Variants in SPOCK1 observed in about 807,000 individuals in gnomAD.
SPOCK1 encodes SPARC (osteonectin), cwcv and kazal like domains proteoglycan 1.
Under a neutral mutation model 55.3 loss-of-function variants are expected in SPOCK1, and 23 were observed. That is an observed-to-expected ratio of 0.42 (90% CI 0.30 to 0.59). SPOCK1 has a LOEUF of 0.59. SPOCK1 is among the 20% of genes least tolerant of loss of function. The pLI is 0.22. For synonymous variants in SPOCK1, 226 were observed against 221.0 expected, an observed-to-expected ratio of 1.02 and a Z score of -0.20; for missense variants, 499 against 552.5, an observed-to-expected ratio of 0.90 and a Z score of 0.97.
chr5:137,177,904 C>T (rs1258535958), intron 3 of SPOCK1, among the ~76,000 whole-genome samples: 7 of 151,952 alleles, frequency 4.6e-5, no homozygotes, highest in Non-Finnish European at 1.0e-4. Context: ...AAGTCCATGC[C>T]CTCCTGTCCT....
At chr5:137,274,633 T>A (rs1277835969) in intron 2 of SPOCK1, among the ~76,000 whole-genome samples, 1 of 152,272 alleles carries the variant, frequency 6.6e-6, no homozygotes, top group Non-Finnish European at 1.5e-5. Flanking sequence ...TTTGTGGATA[T>A]GTTTTAAATT....
intron 2 of SPOCK1, among the ~76,000 whole-genome samples, chr5:137,391,842 G>T (rs1395135796): frequency 6.6e-6 from 1 of 152,110 alleles, no homozygotes; most frequent in African/African-American, 2.4e-5. Flanking sequence ...CCCTAGCCCT[G>T]CTGCCCAAAA....
chr5:137,016,167 C>T (rs1176970910), intron 6 of SPOCK1, among the ~76,000 whole-genome samples: 3 of 152,194 alleles, frequency 2.0e-5, no homozygotes, highest in South Asian at 4.1e-4. Flanking sequence ...AACAAACCCC[C>T]GCACGTTCCT....
intron 3 of SPOCK1, among the ~76,000 whole-genome samples, chr5:137,183,855 T>C (rs1755016625): frequency 6.6e-6 from 1 of 152,224 alleles, no homozygotes; most frequent in South Asian, 2.1e-4. Context: ...AAATTCCAGC[T>C]CCATTCTTTC....
intron 2 of SPOCK1, among the ~76,000 whole-genome samples, chr5:137,347,649 G>A (rs1750588696): frequency 6.6e-6 from 1 of 152,138 alleles, no homozygotes; most frequent in Non-Finnish European, 1.5e-5. Flanking sequence ...CCTAGGAGGT[G>A]AAGGTTGCAG....
intron 5 of SPOCK1, among the ~76,000 whole-genome samples, chr5:137,096,876 C>T (rs1299106742): frequency 1.3e-5 from 2 of 152,178 alleles, no homozygotes; most frequent in African/African-American, 2.4e-5. Context: ...GGACGCTTGG[C>T]TGTCTGGACT....
At chr5:137,246,237 T>C (rs1014925671) in intron 3 of SPOCK1, among the ~76,000 whole-genome samples, 2 of 152,228 alleles carry the variant, frequency 1.3e-5, no homozygotes, top group Non-Finnish European at 2.9e-5. Flanking sequence ...ACATTTTTAA[T>C]TACCTCTGAG....
At chr5:136,997,988 C>T (rs1057320112) in intron 6 of SPOCK1, among the ~76,000 whole-genome samples, 5 of 152,310 alleles carry the variant, frequency 3.3e-5, no homozygotes, top group African/African-American at 1.2e-4. Context: ...CTTTTGTAAA[C>T]TTCAATTTTT....
At chr5:137,017,151 C>T (rs12188192) in intron 6 of SPOCK1, among the ~76,000 whole-genome samples, 93,747 of 152,118 alleles carry the variant, frequency 0.62, 33,191 homozygotes, top group Non-Finnish European at 0.81. Flanking sequence ...TACCACAGAG[C>T]GAGGAATTAA....
At chr5:137,149,782 T>C (rs533593777) in intron 3 of SPOCK1, among the ~76,000 whole-genome samples, 2 of 152,308 alleles carry the variant, frequency 1.3e-5, no homozygotes, top group African/African-American at 4.8e-5. Context: ...AAATTTTTAG[T>C]GTACCTAGAA....
At chr5:137,362,811 G>A (rs1021239223) in intron 2 of SPOCK1, among the ~76,000 whole-genome samples, 1 of 152,294 alleles carries the variant, frequency 6.6e-6, no homozygotes, top group East Asian at 1.9e-4. Flanking sequence ...TGGCCTGAGG[G>A]CCACAGTTTG....
chr5:137,039,508 C>A (rs1486555838), intron 6 of SPOCK1, among the ~76,000 whole-genome samples: 1 of 152,126 alleles, frequency 6.6e-6, no homozygotes, highest in African/African-American at 2.4e-5. Context: ...GCAGAAGACT[C>A]AAGTTGGAAG....
At chr5:137,160,586 A>AT (rs1561631704) in intron 3 of SPOCK1, among the ~76,000 whole-genome samples, 1 of 41,658 alleles carries the variant, frequency 2.4e-5, no homozygotes, top group African/African-American at 9.2e-5. Flanking sequence ...TAATATATAT[A>AT]ATATATAATA....
chr5:137,359,029 A>G (rs1750883998), intron 2 of SPOCK1, among the ~76,000 whole-genome samples: 1 of 152,244 alleles, frequency 6.6e-6, no homozygotes. Flanking sequence ...TATCACAGCC[A>G]GTTAGCCTCA....
intron 3 of SPOCK1, among the ~76,000 whole-genome samples, chr5:137,204,419 T>C (rs1190239658): frequency 6.6e-6 from 1 of 152,174 alleles, no homozygotes; most frequent in Non-Finnish European, 1.5e-5. Flanking sequence ...AGGCAGCAGA[T>C]TGGAAAGAGG....
chr5:137,157,072 C>T (rs542266666), intron 3 of SPOCK1, among the ~76,000 whole-genome samples: 5 of 152,180 alleles, frequency 3.3e-5, no homozygotes, highest in Non-Finnish European at 5.9e-5. Flanking sequence ...ATTTCCTTCT[C>T]CCCCTTTACA....
At chr5:137,414,571 G>A (rs1045035984) in intron 2 of SPOCK1, among the ~76,000 whole-genome samples, 3 of 152,308 alleles carry the variant, frequency 2.0e-5, no homozygotes, top group Middle Eastern at 3.4e-3. Context: ...TTAAATGGAA[G>A]ACATTCACTT....
At chr5:137,162,632 A>G (rs1754581573) in intron 3 of SPOCK1, among the ~76,000 whole-genome samples, 3 of 152,146 alleles carry the variant, frequency 2.0e-5, no homozygotes, top group Admixed American at 2.0e-4. Flanking sequence ...ACATTCTACA[A>G]TGTACAAGAC....
chr5:137,230,530 T>TA (rs1224404813), intron 3 of SPOCK1, among the ~76,000 whole-genome samples: 7 of 152,352 alleles, frequency 4.6e-5, no homozygotes, highest in East Asian at 3.9e-4. Context: ...AACTTCATTT[T>TA]AAAAAATATA....
Sources: allele counts gnomAD v4.1 joint callset (sites outside exome capture counted in the v4.1 genomes callset), GRCh38; gene constraint gnomAD v4.1.1; transcripts MANE v1.5; gene names NCBI Gene and HGNC (gene_info 2026-07-23, HGNC 2026-07-21).